The following XPO1 variants were observed in gnomAD, a reference collection of about 807,000 sequenced individuals.
XPO1 encodes exportin-1.
Under a neutral mutation model 133.3 loss-of-function variants are expected in XPO1, and 5 were observed. The ratio of observed to expected loss-of-function variants is 0.04; its 90% CI spans 0.02 to 0.08. The LOEUF is 0.08. Among genes scored for constraint, XPO1 ranks in the 10% least tolerant of loss-of-function variants. The pLI, the probability that XPO1 is intolerant of heterozygous loss-of-function variation, is 1.00. For synonymous variants in XPO1, 419 were observed against 408.2 expected (o/e 1.03, Z -0.32); for missense variants, 506 against 1,267.5 (o/e 0.40, Z 9.12).
chr2:61,523,682 T>A (rs887805025), intron 3 of XPO1, among the ~76,000 whole-genome samples: 8 of 152,226 alleles, frequency 5.3e-5, no homozygotes, highest in Admixed American at 2.0e-4. Context: ...ATCTTTAAAA[T>A]GGTTAGTCAT....
At chr2:61,512,870 A>T (rs901663128) in intron 4 of XPO1, among the ~76,000 whole-genome samples, 14 of 152,148 alleles carry the variant, frequency 9.2e-5, no homozygotes, top group Non-Finnish European at 1.3e-4. Flanking sequence ...GGGCAACCCC[A>T]TCTCTACTAA....
chr2:61,517,474 A>G (rs993088837), intron 4 of XPO1, among the ~76,000 whole-genome samples: 1 of 152,138 alleles, frequency 6.6e-6, no homozygotes, highest in Non-Finnish European at 1.5e-5. Context: ...AGTCCTAGCT[A>G]TTTTGGCAGG....
At chr2:61,526,662 G>C (rs1467503374) in intron 2 of XPO1, 141 bp from the exon 3 acceptor site, 1 of 578,862 alleles carries the variant, frequency 1.7e-6, no homozygotes, top group East Asian at 3.5e-5. Context: ...TCAAAAATTA[G>C]ACCTTACAGA....
chr2:61,522,942 T>C (rs969816960), intron 3 of XPO1, among the ~76,000 whole-genome samples: 2 of 152,096 alleles, frequency 1.3e-5, no homozygotes, highest in African/African-American at 4.8e-5. Flanking sequence ...AAGAACCAAA[T>C]AAAAAGCCCT....
intron 1 of XPO1, among the ~76,000 whole-genome samples, chr2:61,537,324 C>G (rs1699396033): frequency 6.6e-6 from 1 of 151,704 alleles, no homozygotes; most frequent in African/African-American, 2.4e-5. Flanking sequence ...CCCGCACACG[C>G]GAATGACCCA....
chr2:61,507,708 T>A (rs985742355), intron 4 of XPO1, among the ~76,000 whole-genome samples: 1 of 152,024 alleles, frequency 6.6e-6, no homozygotes, highest in Non-Finnish European at 1.5e-5. Flanking sequence ...CAAAACCTTG[T>A]CTCTGCTAAA....
chr2:61,490,588 AAC>A, intron 17 of XPO1, 52 bp downstream of exon 17: 1 of 1,609,350 alleles, frequency 6.2e-7, no homozygotes, highest in Non-Finnish European at 8.5e-7. Flanking sequence ...ATTTGTAAAG[AAC>A]ACGTCTTGTT....
chr2:61,505,434 C>G (rs946937545), intron 4 of XPO1, among the ~76,000 whole-genome samples: 1 of 149,162 alleles, frequency 6.7e-6, no homozygotes, highest in Non-Finnish European at 1.5e-5. Flanking sequence ...CTCTGTCTTC[C>G]AGGCTGGAGT....
At chr2:61,525,489 T>A in intron 3 of XPO1, 1 of 1,009,096 alleles carries the variant, frequency 9.9e-7, no homozygotes, top group Non-Finnish European at 1.2e-6. Flanking sequence ...AAGAATTCTT[T>A]ACCTGTTGCT....
intron 4 of XPO1, among the ~76,000 whole-genome samples, chr2:61,505,392 CTTTT>C (rs146283651): frequency 0.017 from 2,275 of 135,844 alleles, 51 homozygotes; most frequent in African/African-American, 0.057. Flanking sequence ...AACATTCTCA[CTTTT>C]TTTTTTTTTT....
At chr2:61,528,249 T>C (rs1312585863) in intron 2 of XPO1, among the ~76,000 whole-genome samples, 1 of 152,110 alleles carries the variant, frequency 6.6e-6, no homozygotes, top group Non-Finnish European at 1.5e-5. Context: ...ATGAACTTAG[T>C]GTGTCTTTTC....
intron 2 of XPO1, among the ~76,000 whole-genome samples, chr2:61,532,897 C>CCAG (rs1699219845): frequency 6.7e-6 from 1 of 150,096 alleles, no homozygotes; most frequent in Admixed American, 6.7e-5. Flanking sequence ...CATGTTTGGG[C>CCAG]CAGCACGCGG....
At chr2:61,499,946 A>C (rs1057143438) in intron 6 of XPO1, 52 bp from the exon 7 acceptor site, 67 of 1,548,174 alleles carry the variant, frequency 4.3e-5, no homozygotes, top group Non-Finnish European at 5.7e-5. Context: ...AAGGCAAATA[A>C]AACAAACTTC....
At chr2:61,530,790 T>TA (rs1699118209) in intron 2 of XPO1, among the ~76,000 whole-genome samples, 1 of 151,756 alleles carries the variant, frequency 6.6e-6, no homozygotes, top group South Asian at 2.1e-4. Flanking sequence ...TTAATTAGCA[T>TA]AATAAATTTT....
intron 2 of XPO1, among the ~76,000 whole-genome samples, chr2:61,532,730 G>A (rs1699211485): frequency 1.3e-5 from 2 of 151,570 alleles, no homozygotes; most frequent in Admixed American, 1.3e-4. Context: ...CTACTCGGGA[G>A]GCTAAGGCAG....
At chr2:61,499,018 A>G in intron 7 of XPO1, 105 bp from the exon 8 acceptor site, 1 of 1,286,898 alleles carries the variant, frequency 7.8e-7, no homozygotes, top group Non-Finnish European at 1.0e-6. Context: ...ACAGTGGCTC[A>G]TGCCTGTAAT....
At position 61,502,315 on chromosome 2, in the gene XPO1, T is replaced by TA. The variant is rs746977348; in HGVS notation, c.302-6dup. The TA allele has an allele frequency of 5.0e-6, 8 of 1,610,188 alleles. No individual in the cohort carries two copies. The highest frequency in any genetic ancestry group is 1.3e-5 in the African/African-American group (1 of 74,672). ...CAACAACGTATTTTTTTATTCCTAT[T>TA]AAAAAAATTGCACGTAATAAAAAAA... On this transcript the variant is annotated splice_polypyrimidine_tract_variant and splice_region_variant and intron_variant, in intron 4 of 24. Transcript: ENST00000401558.
intron 12 of XPO1, 156 bp from the exon 13 acceptor site, chr2:61,493,209 G>A (rs1433235255): frequency 1.6e-5 from 11 of 671,924 alleles, no homozygotes; most frequent in Non-Finnish European, 2.3e-5. Context: ...GGAGGGCCGA[G>A]GCAAAAAGAA....
chr2:61,513,507 T>TAG (rs1215476976), intron 4 of XPO1, among the ~76,000 whole-genome samples: 7 of 151,818 alleles, frequency 4.6e-5, no homozygotes, highest in Admixed American at 2.0e-4. Flanking sequence ...GTATCTTTAG[T>TAG]AGACATGCGG....
Sources: allele counts gnomAD v4.1 joint callset (sites outside exome capture counted in the v4.1 genomes callset), GRCh38; gene constraint gnomAD v4.1.1; transcripts MANE v1.5; gene names NCBI Gene and HGNC (gene_info 2026-07-23, HGNC 2026-07-21).